SHISA6: variants seen among roughly 807,000 people sequenced by gnomAD.
The protein encoded by SHISA6 is shisa family member 6.
SHISA6 carries 22 observed loss-of-function variants against 47.9 expected under a neutral mutation model. That is an observed-to-expected ratio of 0.46 (90% CI 0.33 to 0.66). The LOEUF (loss-of-function observed/expected upper bound fraction) is 0.66. Ranked by LOEUF, SHISA6 falls within the 30% of genes least tolerant of loss-of-function variation. The pLI is 0.02. For synonymous variants in SHISA6, 388 were observed against 337.8 expected (o/e 1.15, Z -1.63); for missense variants, 680 against 764.6 (o/e 0.89, Z 1.30).
rs2072004681 is a variant in SHISA6 at position 11,558,341 on chromosome 17, A to G, written c.*37A>G. The G allele has an allele frequency of 2.6e-6, 4 of 1,523,362 alleles. No individual in the cohort carries two copies. Among genetic ancestry groups the G allele is most frequent in the Non-Finnish European group, 3.5e-6 (4 of 1,138,740 alleles). 94.4% of individuals were successfully genotyped at this position (1,523,362 alleles called of 1,614,324 possible). ...GGGCCGGGGCTGCTGGGCGTGGCAG[A>G]GCAGAGCGGGGGCCGGGAGGGGCCA... On this transcript the variant is annotated 3_prime_UTR_variant, in exon 6 of 6. Transcript: ENST00000441885.
intron 2 of SHISA6, among the ~76,000 whole-genome samples, chr17:11,275,070 G>A (rs750743157): frequency 1.3e-5 from 2 of 152,220 alleles, no homozygotes; most frequent in Non-Finnish European, 2.9e-5. Flanking sequence ...AGACAGGAGT[G>A]ATTAAAGATT....
At chr17:11,247,513 T>C (rs1282460016) in intron 1 of SHISA6, among the ~76,000 whole-genome samples, 1 of 152,144 alleles carries the variant, frequency 6.6e-6, no homozygotes, top group African/African-American at 2.4e-5. Context: ...GAATTTTGTC[T>C]TACAATTTTG....
At chr17:11,294,975 C>T (rs1003848042) in intron 2 of SHISA6, among the ~76,000 whole-genome samples, 29 of 152,206 alleles carry the variant, frequency 1.9e-4, no homozygotes, top group Middle Eastern at 3.4e-3. Context: ...TTTTCAAGCC[C>T]GCACACTAGG....
intron 3 of SHISA6, among the ~76,000 whole-genome samples, chr17:11,468,692 C>G (rs745949112): frequency 2.6e-5 from 4 of 152,086 alleles, no homozygotes; most frequent in Non-Finnish European, 5.9e-5. Flanking sequence ...TCTGGATGAT[C>G]CTGGGTGCAA....
intron 2 of SHISA6, among the ~76,000 whole-genome samples, chr17:11,375,597 C>T (rs1207800894): frequency 6.6e-6 from 1 of 152,196 alleles, no homozygotes; most frequent in African/African-American, 2.4e-5. Flanking sequence ...GAGAAACTTT[C>T]CCTCCACTTG....
intron 3 of SHISA6, among the ~76,000 whole-genome samples, chr17:11,447,939 G>A (rs1332851786): frequency 2.6e-5 from 4 of 152,160 alleles, no homozygotes. Context: ...AGTGGGTACG[G>A]GCACTCCGTG....
chr17:11,244,547 C>T (rs1200315565), intron 1 of SHISA6, among the ~76,000 whole-genome samples: 8 of 152,010 alleles, frequency 5.3e-5, no homozygotes, highest in Admixed American at 5.2e-4. Context: ...TCACTTTGCT[C>T]ACACCTCAGA....
Position 11,241,458 on chromosome 17 carries a change from C to G in SHISA6, c.36C>G (p.Leu12=), listed in dbSNP as rs1597415713. The G allele has an allele frequency of 8.3e-7, 1 of 1,211,576 alleles. No individual in the cohort carries two copies. Among genetic ancestry groups the G allele is most frequent in the Non-Finnish European group, 1.0e-6 (1 of 956,990 alleles). The allele number at this position is 1,211,576 out of a possible 1,614,324, so 75.1% of individuals were successfully genotyped here. A position where few individuals can be genotyped will look rare whatever the true frequency, so the allele number is the denominator to read the frequency against. The part of the protein sequence containing the change: ...ALRRLLLLLL[L]SLESLDLLPS... Reference sequence around the variant, plus strand: ...GGCGCCTCCTGCTGCTGCTGCTGCTCTCGCTGGAGTCCCTGGACCTGCTGC... The same window carrying G: ...GGCGCCTCCTGCTGCTGCTGCTGCTGTCGCTGGAGTCCCTGGACCTGCTGC... Residue 12 remains leucine, a synonymous_variant, in exon 1 of 6, where the codon CTC becomes CTG. Transcript: ENST00000441885. The surrounding 1 kb of genome is among the most constrained non-coding windows in gnomAD (Gnocchi z 5.5).
chr17:11,338,018 G>A (rs1911383189), intron 2 of SHISA6, among the ~76,000 whole-genome samples: 1 of 152,154 alleles, frequency 6.6e-6, no homozygotes, highest in African/African-American at 2.4e-5. Context: ...TCAATCAGGG[G>A]CCATTGCAAT....
At chr17:11,269,056 T>G (rs927888377) in intron 2 of SHISA6, among the ~76,000 whole-genome samples, 7 of 151,412 alleles carry the variant, frequency 4.6e-5, no homozygotes, top group African/African-American at 1.7e-4. Context: ...TTTGTTTTTT[T>G]TTTTTAATGG....
intron 3 of SHISA6, among the ~76,000 whole-genome samples, chr17:11,395,071 G>T (rs1400186996): frequency 7.2e-6 from 1 of 138,870 alleles, no homozygotes; most frequent in African/African-American, 2.7e-5. Context: ...GCGCGATCTC[G>T]GCTCACTGCA....
At chr17:11,541,300 C>T (rs373971215) in intron 3 of SHISA6, among the ~76,000 whole-genome samples, 2 of 152,288 alleles carry the variant, frequency 1.3e-5, no homozygotes, top group South Asian at 2.1e-4. Flanking sequence ...ACACAACCCT[C>T]AGGTCTCTCT....
chr17:11,415,572 G>A (rs1914256953), intron 3 of SHISA6, among the ~76,000 whole-genome samples: 1 of 152,304 alleles, frequency 6.6e-6, no homozygotes, highest in South Asian at 2.1e-4. Flanking sequence ...TAATGAAGTA[G>A]AATACATTAC....
At chr17:11,412,488 C>T (rs900705240) in intron 3 of SHISA6, among the ~76,000 whole-genome samples, 2 of 151,954 alleles carry the variant, frequency 1.3e-5, no homozygotes, top group Non-Finnish European at 2.9e-5. Context: ...TGTTTACTCT[C>T]CTACATTTTT....
intron 2 of SHISA6, among the ~76,000 whole-genome samples, chr17:11,307,197 A>T (rs1254742833): frequency 4.4e-5 from 6 of 137,044 alleles, no homozygotes; most frequent in African/African-American, 1.6e-4. Flanking sequence ...TTAGGGATAT[A>T]TTTAGTACTC....
intron 3 of SHISA6, among the ~76,000 whole-genome samples, chr17:11,535,068 CGGTG>C (rs2071774685): frequency 2.6e-5 from 4 of 151,958 alleles, no homozygotes; most frequent in Non-Finnish European, 5.9e-5. Flanking sequence ...GCAGAGGTTG[CGGTG>C]AGGGTGAGCC....
chr17:11,548,601 A>G (rs1161951510), intron 3 of SHISA6, among the ~76,000 whole-genome samples: 2 of 152,140 alleles, frequency 1.3e-5, no homozygotes, highest in Non-Finnish European at 2.9e-5. Context: ...TTGCTAGGCA[A>G]CTGACAGTGT....
intron 3 of SHISA6, among the ~76,000 whole-genome samples, chr17:11,516,656 G>A (rs368858206): frequency 3.5e-4 from 53 of 152,298 alleles, no homozygotes; most frequent in Non-Finnish European, 6.3e-4. Context: ...CTGAATGTTT[G>A]AAACTCTGCT....
intron 3 of SHISA6, among the ~76,000 whole-genome samples, chr17:11,445,986 C>G (rs573637961): frequency 6.6e-6 from 1 of 152,254 alleles, no homozygotes; most frequent in African/African-American, 2.4e-5. Flanking sequence ...TGCCACCACG[C>G]CCAGCTAATT....
Sources: allele counts gnomAD v4.1 joint callset (sites outside exome capture counted in the v4.1 genomes callset), GRCh38; gene constraint gnomAD v4.1.1; non-coding constraint Gnocchi (gnomAD v3.1); transcripts MANE v1.5; gene names NCBI Gene and HGNC (gene_info 2026-07-23, HGNC 2026-07-21).